Variants in CCDC91 observed in about 807,000 individuals in gnomAD.
The protein encoded by CCDC91 is coiled-coil domain containing 91.
CCDC91 carries 48 observed loss-of-function variants against 63.2 expected under a neutral mutation model. That is an observed-to-expected ratio of 0.76 (90% confidence interval 0.60 to 0.97). The LOEUF is 0.97. Among genes scored for constraint, CCDC91 ranks in the 50% least tolerant of loss-of-function variants. The pLI is 0.00. For missense variants in CCDC91, 500 were observed against 494.6 expected (o/e 1.01, Z -0.10); for synonymous variants, 167 against 165.8 (o/e 1.01, Z -0.06).
chr12:28,508,497 C>T (rs1444032707), intron 12 of CCDC91, among the ~76,000 whole-genome samples: 1 of 151,760 alleles, frequency 6.6e-6, no homozygotes, highest in Non-Finnish European at 1.5e-5. Flanking sequence ...AAGGGAGTTC[C>T]AAGAGATACC....
At chr12:28,542,914 A>G (rs7968515) in intron 12 of CCDC91, among the ~76,000 whole-genome samples, 58,507 of 151,888 alleles carry the variant, frequency 0.39, 11,679 homozygotes, top group Middle Eastern at 0.46. Context: ...TTTGTTTCCT[A>G]GGGCTACTGT....
chr12:28,242,022 C>CA (rs1230011081), intron 1 of CCDC91, among the ~76,000 whole-genome samples: 1 of 117,856 alleles, frequency 8.5e-6, no homozygotes. Context: ...AAAAACGAAA[C>CA]AAAAAAAACT....
chr12:28,197,149 G>C (rs1375491212), intron 1 of CCDC91, among the ~76,000 whole-genome samples: 1 of 151,742 alleles, frequency 6.6e-6, no homozygotes, highest in South Asian at 2.1e-4. Flanking sequence ...CCTCTGTTTG[G>C]TGCTCTTGAA....
intron 3 of CCDC91, among the ~76,000 whole-genome samples, chr12:28,292,758 A>G (rs2136827671): frequency 6.6e-6 from 1 of 152,308 alleles, no homozygotes; most frequent in Non-Finnish European, 1.5e-5. Context: ...GTAGACGTAC[A>G]TTGCCTTTGT....
chr12:28,339,988 T>C (rs910607666), intron 6 of CCDC91, among the ~76,000 whole-genome samples: 3 of 152,172 alleles, frequency 2.0e-5, no homozygotes, highest in African/African-American at 7.2e-5. Flanking sequence ...ATACACACAC[T>C]ACTTATAGCT....
intron 6 of CCDC91, among the ~76,000 whole-genome samples, chr12:28,332,670 C>T (rs1227566418): frequency 6.6e-6 from 1 of 152,154 alleles, no homozygotes; most frequent in Non-Finnish European, 1.5e-5. Context: ...ATGCTCTGCT[C>T]ATCCCCTCTG....
intron 6 of CCDC91, among the ~76,000 whole-genome samples, chr12:28,333,963 G>A (rs1941721223): frequency 6.6e-6 from 1 of 151,568 alleles, no homozygotes; most frequent in Non-Finnish European, 1.5e-5. Flanking sequence ...GATTTATTTT[G>A]GTTTGTTTTT....
intron 12 of CCDC91, among the ~76,000 whole-genome samples, chr12:28,498,204 A>G (rs932796647): frequency 5.9e-5 from 9 of 151,628 alleles, no homozygotes; most frequent in African/African-American, 2.2e-4. Flanking sequence ...TTTTATATTT[A>G]TGACTCACAC....
At chr12:28,523,751 C>G (rs1021150010) in intron 12 of CCDC91, among the ~76,000 whole-genome samples, 5 of 152,120 alleles carry the variant, frequency 3.3e-5, no homozygotes, top group African/African-American at 1.2e-4. Context: ...CCTTCAGGAG[C>G]TCTTGTAAGG....
At chr12:28,286,627 G>A (rs1019333648) in intron 3 of CCDC91, among the ~76,000 whole-genome samples, 6 of 152,168 alleles carry the variant, frequency 3.9e-5, no homozygotes, top group African/African-American at 1.4e-4. Flanking sequence ...GGCCATTTAG[G>A]TTGATCCCAT....
intron 11 of CCDC91, among the ~76,000 whole-genome samples, chr12:28,462,967 A>C (rs934566171): frequency 6.6e-6 from 1 of 152,172 alleles, no homozygotes; most frequent in African/African-American, 2.4e-5. Context: ...AAGGATGAAG[A>C]GAAATCATTC....
intron 12 of CCDC91, among the ~76,000 whole-genome samples, chr12:28,502,047 G>A (rs1348872051): frequency 6.6e-6 from 1 of 151,874 alleles, no homozygotes; most frequent in African/African-American, 2.4e-5. Flanking sequence ...GGGATTGGTG[G>A]TGATATCCCC....
chr12:28,197,862 A>T (rs1455710330), intron 1 of CCDC91, among the ~76,000 whole-genome samples: 1 of 152,114 alleles, frequency 6.6e-6, no homozygotes, highest in East Asian at 1.9e-4. Flanking sequence ...TATGCCATAC[A>T]ATTTTACTTA....
intron 8 of CCDC91, among the ~76,000 whole-genome samples, chr12:28,443,180 G>T (rs55934656): frequency 0.092 from 13,677 of 148,648 alleles, 1,928 homozygotes; most frequent in African/African-American, 0.3. Flanking sequence ...TATGATCTAG[G>T]TCTCTAATTC....
chr12:28,378,536 T>A (rs1280964873), intron 7 of CCDC91, among the ~76,000 whole-genome samples: 4 of 152,114 alleles, frequency 2.6e-5, no homozygotes, highest in South Asian at 2.1e-4. Context: ...TTTCCCTTGA[T>A]TGGATATTGC....
At chr12:28,534,072 C>T (rs1269715192) in intron 12 of CCDC91, among the ~76,000 whole-genome samples, 1 of 152,102 alleles carries the variant, frequency 6.6e-6, no homozygotes, top group African/African-American at 2.4e-5. Context: ...CATCTTCTAT[C>T]ATAAAACTAT....
In CCDC91 at chr12:28,306,751, T is replaced by A. The variant is rs192440192; in HGVS notation, c.277T>A (p.Ser93Thr). Reference protein sequence around the residue: ...QTIPKAQIQQSTHTHLDISLF... With the variant: ...QTIPKAQIQQTTHTHLDISLF... ...TTTTTATGTGGTTTAGATTCAGCAA[T>A]CAACACACACTCATCTGGATATCTC... Residue 93 changes from serine to threonine, a missense_variant, in exon 5 of 13, where the codon TCA becomes ACA. Physicochemically the swap from Ser to Thr is moderately conservative, Grantham distance 58 (BLOSUM62 1). Transcript: ENST00000536442. 4.9e-5 allele frequency: 78 copies of A among 1,602,916 alleles called. 1 individual carries two copies. The East Asian group carries it at 1.6e-3, about 33-fold the overall frequency.
intron 8 of CCDC91, among the ~76,000 whole-genome samples, chr12:28,403,119 A>C (rs1426236087): frequency 6.6e-6 from 1 of 152,058 alleles, no homozygotes; most frequent in Non-Finnish European, 1.5e-5. Context: ...CCTGTGATGT[A>C]TTTGTCTGGT....
intron 1 of CCDC91, among the ~76,000 whole-genome samples, chr12:28,238,274 A>G (rs1275766802): frequency 1.3e-5 from 2 of 152,190 alleles, no homozygotes; most frequent in African/African-American, 4.8e-5. Flanking sequence ...AGATATGAAG[A>G]AGCCAGTCCA....
Sources: gnomAD v4.1 joint callset for allele counts (sites outside exome capture counted in the v4.1 genomes callset) on GRCh38, gnomAD v4.1.1 for gene constraint, MANE v1.5 for transcripts, NCBI Gene and HGNC (gene_info 2026-07-23, HGNC 2026-07-21) for gene names.